Variants in ARHGAP19 observed in about 807,000 individuals in gnomAD.
ARHGAP19 encodes the protein rho GTPase-activating protein 19.
A neutral mutation model predicts 60.9 loss-of-function variants in ARHGAP19; 48 were observed. That is an observed-to-expected ratio of 0.79 (90% CI 0.62 to 1.00). The LOEUF is 1.00. Ranked by LOEUF, ARHGAP19 falls within the 50% of genes least tolerant of loss-of-function variation. ARHGAP19 has a pLI of 0.00. For synonymous variants in ARHGAP19, 209 were observed against 215.5 expected, an observed-to-expected ratio of 0.97 and a Z score of 0.27; for missense variants, 562 against 597.2, an observed-to-expected ratio of 0.94 and a Z score of 0.61.
intron 1 of ARHGAP19, among the ~76,000 whole-genome samples, chr10:97,291,313 T>A (rs539291236): frequency 2.5e-4 from 38 of 152,220 alleles, no homozygotes; most frequent in South Asian, 1.5e-3. Flanking sequence ...CTCTTCCATA[T>A]CATATTTTAT....
At chr10:97,230,701 C>A (rs755345125) in intron 9 of ARHGAP19, among the ~76,000 whole-genome samples, 4 of 152,104 alleles carry the variant, frequency 2.6e-5, no homozygotes, top group South Asian at 2.1e-4. Context: ...GGAAAAAACT[C>A]TAGCCAAAAA....
intron 6 of ARHGAP19, among the ~76,000 whole-genome samples, chr10:97,250,148 G>T (rs144503764): frequency 6.6e-6 from 1 of 152,098 alleles, no homozygotes; most frequent in East Asian, 1.9e-4. Flanking sequence ...ACTTAGGAAT[G>T]AAGTATCATG....
At position 97,239,393 on chromosome 10, in the gene ARHGAP19, G is replaced by A. The variant is rs530642286; in HGVS notation, c.1186-4078C>T. Among the ~76,000 whole-genome samples the A allele has an allele frequency of 3.1e-3, 467 of 152,234 alleles. 1 individual carries two copies. The highest frequency in any genetic ancestry group is 6.0e-3 in the Admixed American group (92 of 15,290). On this transcript the variant is annotated intron_variant, in intron 8 of 11. Transcript: ENST00000358531. ...CGCCTGTAGTCCCAGCTACTCTGGA[G>A]GCTGAGGCAGGGGAATTGCTTGAAC...
intron 1 of ARHGAP19, among the ~76,000 whole-genome samples, chr10:97,273,190 T>C (rs1353020963): frequency 6.6e-6 from 1 of 151,960 alleles, no homozygotes; most frequent in African/African-American, 2.4e-5. Flanking sequence ...TGAGATGAAG[T>C]CTTGCTCTGT....
intron 8 of ARHGAP19, among the ~76,000 whole-genome samples, chr10:97,237,416 A>G (rs1470992727): frequency 1.3e-5 from 2 of 152,200 alleles, no homozygotes; most frequent in African/African-American, 2.4e-5. Context: ...AATGGAGGTG[A>G]AAAATTCCTA....
chr10:97,243,686 T>C (rs1842521888), intron 8 of ARHGAP19, among the ~76,000 whole-genome samples: 1 of 152,300 alleles, frequency 6.6e-6, no homozygotes. Flanking sequence ...TTCGGAACAA[T>C]ATGTTTTAAC....
Position 97,292,634 on chromosome 10 carries a change from C to T in ARHGAP19, c.-7G>A. The T allele has an allele frequency of 6.2e-7, 1 of 1,614,248 alleles. No homozygotes were observed. On this transcript the variant is annotated 5_prime_UTR_variant, in exon 1 of 12. Transcript: ENST00000358531. Reference sequence around the variant, plus strand: ...TCTGTGCCTCAGTCGCCATCTTCGTCAGCAAACTTCTTTCACCGCCCCACC... The same window carrying T: ...TCTGTGCCTCAGTCGCCATCTTCGTTAGCAAACTTCTTTCACCGCCCCACC...
At position 97,226,129 on chromosome 10, in the gene ARHGAP19, A is replaced by T; in HGVS notation, c.1478T>A (p.Phe493Tyr). The change falls in exon 12 of 12, where the codon TTT becomes TAT. Residue 493 changes from phenylalanine (F) to tyrosine (Y), a missense_variant. By Grantham distance (22) the Phe-to-Tyr change is conservative (BLOSUM62 3). Coordinates refer to ENST00000358531, the MANE Select transcript of ARHGAP19 (RefSeq NM_032900.6). ...GAGACAACTCTGGATCCTTCAGAGAAATCCTAGGTTGAAGGAAAAACAAGA... is the reference window on the plus strand; with the variant it reads ...GAGACAACTCTGGATCCTTCAGAGATATCCTAGGTTGAAGGAAAAACAAGA... Reference protein sequence around the residue: ...SEGKKEGKKGFL With the variant: ...SEGKKEGKKGYL The T allele has an allele frequency of 6.2e-7, 1 of 1,613,928 alleles. No individual in the cohort carries two copies. Among genetic ancestry groups the T allele is most frequent in the Non-Finnish European group, 8.5e-7 (1 of 1,179,896 alleles).
intron 9 of ARHGAP19, among the ~76,000 whole-genome samples, chr10:97,234,903 C>A (rs1255592252): frequency 6.6e-6 from 1 of 152,130 alleles, no homozygotes; most frequent in East Asian, 1.9e-4. Flanking sequence ...GTGTGTAACT[C>A]GAAGCTGATC....
intron 1 of ARHGAP19, among the ~76,000 whole-genome samples, chr10:97,291,033 G>A (rs1203765723): frequency 6.6e-6 from 1 of 152,092 alleles, no homozygotes; most frequent in Non-Finnish European, 1.5e-5. Flanking sequence ...CACGGGGCTT[G>A]CAACTTAGCT....
In ARHGAP19 at chr10:97,222,662, A is replaced by G. The variant is rs925695134; in HGVS notation, c.*3460T>C. On this transcript the variant is annotated 3_prime_UTR_variant, in exon 12 of 12. Transcript: ENST00000358531. ...GTGTAAAACGCTTGTGCATCTTAGGAACCCAAATCTTCCCCAAATTCTAGA... is the reference window on the plus strand; with the variant it reads ...GTGTAAAACGCTTGTGCATCTTAGGGACCCAAATCTTCCCCAAATTCTAGA... The G allele has an allele frequency of 6.6e-6, 1 of 152,198 alleles. No individual in the cohort carries two copies. 9.4% of individuals were successfully genotyped at this position (152,198 alleles called of 1,614,324 possible). A position where few individuals can be genotyped will look rare whatever the true frequency, so the allele number is the denominator to read the frequency against.
chr10:97,250,669 C>T (rs140356429), intron 6 of ARHGAP19, among the ~76,000 whole-genome samples: 1,965 of 152,046 alleles, frequency 0.013, 48 homozygotes, highest in South Asian at 0.095. Context: ...TGAGCCACCA[C>T]GCCCAGCCAG....
intron 1 of ARHGAP19, among the ~76,000 whole-genome samples, chr10:97,266,617 A>G (rs1345659285): frequency 1.3e-5 from 2 of 152,196 alleles, no homozygotes; most frequent in African/African-American, 2.4e-5. Flanking sequence ...CTGTGAAGAA[A>G]TACCCAAGAC....
chr10:97,269,693 G>A (rs1842938823), intron 1 of ARHGAP19, among the ~76,000 whole-genome samples: 1 of 152,020 alleles, frequency 6.6e-6, no homozygotes. Flanking sequence ...ACCAAAAAGA[G>A]TCTTATAATT....
intron 7 of ARHGAP19, among the ~76,000 whole-genome samples, chr10:97,245,595 C>CAAAAAAAAAA (rs397845381): frequency 2.2e-4 from 25 of 112,378 alleles, no homozygotes; most frequent in African/African-American, 7.8e-4. Flanking sequence ...AACCCTATCT[C>CAAAAAAAAAA]AAAAAAAAAA....
intron 8 of ARHGAP19, among the ~76,000 whole-genome samples, chr10:97,236,484 G>A (rs1207520826): frequency 6.6e-6 from 1 of 152,098 alleles, no homozygotes; most frequent in Non-Finnish European, 1.5e-5. Flanking sequence ...ACTGGGACAA[G>A]TAAAAAATGC....
intron 6 of ARHGAP19, among the ~76,000 whole-genome samples, chr10:97,248,725 C>T (rs138365724): frequency 5.9e-5 from 9 of 152,258 alleles, no homozygotes; most frequent in African/African-American, 1.9e-4. Flanking sequence ...AGAAAGGAAA[C>T]ACTCAAAGAC....
chr10:97,273,042 G>A (rs1048166350), intron 1 of ARHGAP19, among the ~76,000 whole-genome samples: 97 of 151,928 alleles, frequency 6.4e-4, no homozygotes, highest in African/African-American at 1.7e-3. Context: ...GGGTTTCACC[G>A]TGTTAGCCAG....
In ARHGAP19 at chr10:97,225,328, T is replaced by C. The variant is rs575968065; in HGVS notation, c.*794A>G. 1.3e-5 allele frequency: 2 copies of C among 152,204 alleles called. No individual in the cohort carries two copies. The highest frequency in any genetic ancestry group is 4.2e-4 in the South Asian group (2 of 4,816). The allele number at this position is 152,204 out of a possible 1,614,324, so 9.4% of individuals were successfully genotyped here. Reference sequence around the variant, plus strand: ...CAAGTTCAGCAAAACACAATTATTTTCACATCACTGAGGAAAGGGAAAGAG... The same window carrying C: ...CAAGTTCAGCAAAACACAATTATTTCCACATCACTGAGGAAAGGGAAAGAG... On this transcript the variant is annotated 3_prime_UTR_variant, in exon 12 of 12. Coordinates refer to ENST00000358531, the MANE Select transcript of ARHGAP19 (RefSeq NM_032900.6).
Sources: gnomAD v4.1 joint callset for allele counts (sites outside exome capture counted in the v4.1 genomes callset) on GRCh38, gnomAD v4.1.1 for gene constraint, MANE v1.5 for transcripts, NCBI Gene and HGNC (gene_info 2026-07-23, HGNC 2026-07-21) for gene names.